RLN2: variants seen among roughly 807,000 people sequenced by gnomAD.
RLN2 encodes the protein prorelaxin H2.
In RLN2, 10 loss-of-function variants were observed where a neutral mutation model predicts 7.3. That is an observed-to-expected ratio of 1.36 (90% confidence interval 0.84 to 2.31). The LOEUF is 2.31. Among genes scored for constraint, RLN2 ranks in the 30% most tolerant of loss-of-function variants. RLN2 has a pLI of 0.00. For missense variants in RLN2, 298 were observed against 217.6 expected, an observed-to-expected ratio of 1.37 and a Z score of -2.32; for synonymous variants, 103 against 82.3, an observed-to-expected ratio of 1.25 and a Z score of -1.36.
chr9:5,318,311 C>T, the RLN2 span, among the ~76,000 whole-genome samples: 949 of 152,054 alleles, frequency 6.2e-3, 14 homozygotes, highest in African/African-American at 0.022. Flanking sequence ...AACAAAGTAA[C>T]AAGAAATAGC....
chr9:5,304,321 G>T lies in RLN2; in HGVS notation c.211+49C>A, dbSNP rs1183167639. The T allele has an allele frequency of 2.9e-6, 4 of 1,384,432 alleles. No homozygotes were observed. In the East Asian group the frequency reaches 1.0e-4, roughly 35 times the overall value. 85.8% of individuals were successfully genotyped at this position (1,384,432 alleles called of 1,614,324 possible). ...GTTCCAATTGGGCGGCCGCCCCAGAGTAACCAATGGGAAGCGCGGGAAGGC... is the reference window on the plus strand; with the variant it reads ...GTTCCAATTGGGCGGCCGCCCCAGATTAACCAATGGGAAGCGCGGGAAGGC... On this transcript the variant is annotated intron_variant, in intron 1 of 1. Coordinates refer to ENST00000381627, the MANE Select transcript of RLN2 (RefSeq NM_134441.3).
the RLN2 span, among the ~76,000 whole-genome samples, chr9:5,317,794 C>T: frequency 6.6e-6 from 1 of 151,814 alleles, no homozygotes; most frequent in Non-Finnish European, 1.5e-5. Flanking sequence ...CAAAAATGCT[C>T]AGTTGTATTT....
chr9:5,315,077 G>A, the RLN2 span, among the ~76,000 whole-genome samples: 1 of 150,948 alleles, frequency 6.6e-6, no homozygotes, highest in Middle Eastern at 3.4e-3. Flanking sequence ...TAAAAAGCAA[G>A]AAACATGACA....
At chr9:5,330,836 T>C in the RLN2 span, among the ~76,000 whole-genome samples, 2 of 141,988 alleles carry the variant, frequency 1.4e-5, no homozygotes, top group Admixed American at 1.4e-4. Context: ...ATCAACAAAA[T>C]AGATAGACCA....
chr9:5,313,042 T>A, the RLN2 span, among the ~76,000 whole-genome samples: 1 of 152,048 alleles, frequency 6.6e-6, no homozygotes, highest in Middle Eastern at 3.2e-3. Context: ...ATGAAAAGAA[T>A]GTGTATTCTG....
At chr9:5,332,620 CTTTT>C in the RLN2 span, among the ~76,000 whole-genome samples, 2 of 138,326 alleles carry the variant, frequency 1.4e-5, no homozygotes, top group African/African-American at 2.7e-5. Flanking sequence ...ACTGAATGTG[CTTTT>C]TTTTTTTTTT....
At chr9:5,324,365 T>C in the RLN2 span, among the ~76,000 whole-genome samples, 2 of 152,018 alleles carry the variant, frequency 1.3e-5, no homozygotes, top group Non-Finnish European at 2.9e-5. Flanking sequence ...TGGCTTCAAA[T>C]TGTGGGGTGC....
the RLN2 span, among the ~76,000 whole-genome samples, chr9:5,322,826 A>G: frequency 6.6e-6 from 1 of 152,010 alleles, no homozygotes; most frequent in Admixed American, 6.6e-5. Flanking sequence ...TGATGTTATA[A>G]TATTGGGTAG....
chr9:5,313,474 G>C, the RLN2 span, among the ~76,000 whole-genome samples: 1 of 151,956 alleles, frequency 6.6e-6, no homozygotes, highest in Non-Finnish European at 1.5e-5. Flanking sequence ...GGAGAAGCAA[G>C]TCTCTTGCAG....
the RLN2 span, chr9:5,335,223 A>C: frequency 7.1e-7 from 1 of 1,408,600 alleles, no homozygotes; most frequent in South Asian, 1.4e-5. Flanking sequence ...TGTGAAAATT[A>C]GACAAGATGT....
the RLN2 span, chr9:5,335,062 C>T: frequency 2.1e-6 from 1 of 486,026 alleles, no homozygotes; most frequent in Non-Finnish European, 3.6e-6. Context: ...AAGACTTCAG[C>T]ATAGAAAGTG....
the RLN2 span, chr9:5,335,444 G>A: frequency 3.7e-6 from 6 of 1,613,586 alleles, no homozygotes; most frequent in African/African-American, 8.0e-5. Flanking sequence ...GCTAAGATTG[G>A]AATCCTTTAA....
the RLN2 span, among the ~76,000 whole-genome samples, chr9:5,328,734 AGAG>A: frequency 6.7e-6 from 1 of 150,030 alleles, no homozygotes; most frequent in Non-Finnish European, 1.5e-5. Context: ...TCTACAAGCC[AGAG>A]GAGAGCGGGG....
the RLN2 span, among the ~76,000 whole-genome samples, chr9:5,328,469 C>A: frequency 6.6e-6 from 1 of 151,962 alleles, no homozygotes; most frequent in Non-Finnish European, 1.5e-5. Flanking sequence ...AGAATGGAAC[C>A]AAGTTAGAAA....
the RLN2 span, among the ~76,000 whole-genome samples, chr9:5,311,988 G>T: frequency 6.6e-6 from 1 of 151,952 alleles, no homozygotes; most frequent in African/African-American, 2.4e-5. Flanking sequence ...GTGGGCGAAG[G>T]ACATGAACAG....
chr9:5,332,276 T>A, the RLN2 span, among the ~76,000 whole-genome samples: 20 of 152,148 alleles, frequency 1.3e-4, no homozygotes, highest in African/African-American at 4.8e-4. Flanking sequence ...TAGACTGGCT[T>A]TCATTTTTAT....
the RLN2 span, among the ~76,000 whole-genome samples, chr9:5,323,372 T>C: frequency 2.0e-5 from 3 of 152,144 alleles, no homozygotes; most frequent in South Asian, 2.1e-4. Flanking sequence ...TTCCCTCTCC[T>C]ACAGTAGTTT....
At chr9:5,336,414 C>T in the RLN2 span, among the ~76,000 whole-genome samples, 1 of 152,000 alleles carries the variant, frequency 6.6e-6, no homozygotes, top group Non-Finnish European at 1.5e-5. Flanking sequence ...ACACAGCATC[C>T]CAGGCTGGCC....
the RLN2 span, among the ~76,000 whole-genome samples, chr9:5,331,720 G>C: frequency 3.3e-5 from 5 of 151,952 alleles, no homozygotes; most frequent in African/African-American, 4.8e-5. Context: ...TAATACAAAT[G>C]ATGAGTTGAT....
Sources: gnomAD v4.1 joint callset for allele counts (sites outside exome capture counted in the v4.1 genomes callset) on GRCh38, gnomAD v4.1.1 for gene constraint, MANE v1.5 for transcripts, NCBI Gene and HGNC (gene_info 2026-07-23, HGNC 2026-07-21) for gene names.